Variants in SYN2 observed in about 807,000 individuals in gnomAD.
The protein encoded by SYN2 is synapsin II.
Under a neutral mutation model 50.9 loss-of-function variants are expected in SYN2, and 19 were observed. The ratio of observed to expected loss-of-function variants is 0.37; its 90% CI spans 0.26 to 0.55. The LOEUF (loss-of-function observed/expected upper bound fraction) is 0.55. SYN2 is among the 20% of genes least tolerant of loss of function. SYN2 has a pLI of 0.81. For missense variants in SYN2, 587 were observed against 576.4 expected (o/e 1.02, Z -0.19); for synonymous variants, 255 against 224.9 (o/e 1.13, Z -1.20).
At chr3:12,147,386 G>C (rs1037893214) in intron 4 of SYN2, among the ~76,000 whole-genome samples, 2 of 152,144 alleles carry the variant, frequency 1.3e-5, no homozygotes, top group East Asian at 1.9e-4. Context: ...GGTTAAGGAG[G>C]GGGTTGGGTT....
chr3:12,039,208 A>G (rs1183618197), intron 1 of SYN2, among the ~76,000 whole-genome samples: 1 of 152,162 alleles, frequency 6.6e-6, no homozygotes, highest in Non-Finnish European at 1.5e-5. Context: ...ACATTGACTA[A>G]TGTTCATATG....
intron 1 of SYN2, among the ~76,000 whole-genome samples, chr3:12,098,582 C>A (rs996027191): frequency 1.1e-4 from 16 of 151,448 alleles, no homozygotes; most frequent in Non-Finnish European, 1.5e-4. Context: ...AAATAAATGA[C>A]AAAGGTATTT....
intron 1 of SYN2, among the ~76,000 whole-genome samples, chr3:12,044,882 T>C (rs1348862025): frequency 6.6e-6 from 1 of 152,258 alleles, no homozygotes; most frequent in East Asian, 1.9e-4. Context: ...CATACTGTGC[T>C]AATCTCTTTA....
intron 1 of SYN2, among the ~76,000 whole-genome samples, chr3:12,121,106 A>T (rs895461882): frequency 6.6e-6 from 1 of 152,052 alleles, no homozygotes; most frequent in African/African-American, 2.4e-5. Flanking sequence ...CCTAACCTTT[A>T]CTTCACTTTT....
Position 12,168,476 on chromosome 3 carries a change from G to A in SYN2, c.1156G>A (p.Glu386Lys). ...HGKDGKDYIF[E>K]VMDCSMPLIG... ...CAAAGATGGGAAAGACTACATTTTT[G>A]AGGTAAGTCTGGACCAAGCAGTAAG... Residue 386 changes from glutamate (E) to lysine (K), a missense_variant and splice_region_variant, in exon 9 of 13, where the codon GAG becomes AAG. Physicochemically the swap from Glu to Lys is moderately conservative, Grantham distance 56. Transcript: ENST00000621198. The A allele has an allele frequency of 6.2e-7, 1 of 1,613,466 alleles. No homozygotes were observed. Among genetic ancestry groups the A allele is most frequent in the Non-Finnish European group, 8.5e-7 (1 of 1,179,642 alleles).
At chr3:12,053,484 C>T (rs1023673524) in intron 1 of SYN2, among the ~76,000 whole-genome samples, 2 of 151,752 alleles carry the variant, frequency 1.3e-5, no homozygotes, top group Non-Finnish European at 2.9e-5. Context: ...CTGATTGATC[C>T]TTCTTTCTCA....
chr3:12,157,238 C>T (rs2125231052), intron 5 of SYN2: 2 of 750,358 alleles, frequency 2.7e-6, no homozygotes, highest in Admixed American at 4.8e-5. Flanking sequence ...TGGGCTCTGC[C>T]TCCAAATCTC....
chr3:12,184,895 T>C, intron 11 of SYN2: 1 of 985,658 alleles, frequency 1.0e-6, no homozygotes, highest in Non-Finnish European at 1.2e-6. Context: ...GAAGAAATGC[T>C]GCTGGCTCTA....
chr3:12,060,734 T>G (rs1393406144), intron 1 of SYN2, among the ~76,000 whole-genome samples: 1 of 152,102 alleles, frequency 6.6e-6, no homozygotes, highest in Non-Finnish European at 1.5e-5. Context: ...GCAGCATGTA[T>G]TAAACACAGC....
chr3:12,129,869 T>A (rs1696755567), intron 1 of SYN2, among the ~76,000 whole-genome samples: 1 of 152,044 alleles, frequency 6.6e-6, no homozygotes, highest in African/African-American at 2.4e-5. Flanking sequence ...GTGGGGCCTT[T>A]GGGAGGTGAT....
chr3:12,070,267 G>A (rs1419014920), intron 1 of SYN2: 24 of 476,682 alleles, frequency 5.0e-5, no homozygotes, highest in Middle Eastern at 9.3e-4. Context: ...CAGTGTCTCC[G>A]GCATGTACAA....
chr3:12,117,052 G>A (rs1028301125), intron 1 of SYN2, among the ~76,000 whole-genome samples: 4 of 152,098 alleles, frequency 2.6e-5, no homozygotes, highest in East Asian at 1.9e-4. Context: ...CACCCAGCCC[G>A]TCTAAGGCAT....
chr3:12,022,027 A>G (rs1293623506), intron 1 of SYN2, among the ~76,000 whole-genome samples: 1 of 151,486 alleles, frequency 6.6e-6, no homozygotes, highest in African/African-American at 2.4e-5. Context: ...CTGAGATCAC[A>G]CTGCCTCACT....
chr3:12,057,522 A>T (rs115937369), intron 1 of SYN2, among the ~76,000 whole-genome samples: 3,212 of 152,286 alleles, frequency 0.021, 48 homozygotes, highest in Non-Finnish European at 0.034. Context: ...TTTAGCCATG[A>T]ACATTGTATA....
At chr3:12,034,575 G>A (rs534672710) in intron 1 of SYN2, among the ~76,000 whole-genome samples, 1 of 152,264 alleles carries the variant, frequency 6.6e-6, no homozygotes, top group African/African-American at 2.4e-5. Flanking sequence ...TATCTGATGA[G>A]GGCCTTTTGG....
chr3:12,161,508 A>G, intron 5 of SYN2, 38 bp from the exon 6 acceptor site: 1 of 1,611,898 alleles, frequency 6.2e-7, no homozygotes. Context: ...AGAGATGGGC[A>G]CACTCTGACA....
At chr3:12,181,163 GT>G in intron 10 of SYN2, among the ~76,000 whole-genome samples, 1 of 152,198 alleles carries the variant, frequency 6.6e-6, no homozygotes, top group Non-Finnish European at 1.5e-5. Flanking sequence ...ACTGGCCCTG[GT>G]TCTGCTCTTA....
intron 1 of SYN2, among the ~76,000 whole-genome samples, chr3:12,119,793 G>A (rs566798748): frequency 2.0e-5 from 3 of 152,124 alleles, no homozygotes; most frequent in African/African-American, 7.2e-5. Flanking sequence ...TCCCAGGTTC[G>A]TTTCCTCCTC....
intron 2 of SYN2, 74 bp downstream of exon 2, chr3:12,140,782 C>A: frequency 1.4e-6 from 1 of 719,104 alleles, no homozygotes; most frequent in Non-Finnish European, 2.6e-6. Flanking sequence ...TGAACCATCT[C>A]GTTCTGCTGA....
Sources: allele counts gnomAD v4.1 joint callset (sites outside exome capture counted in the v4.1 genomes callset), GRCh38; gene constraint gnomAD v4.1.1; transcripts MANE v1.5; gene names NCBI Gene and HGNC (gene_info 2026-07-23, HGNC 2026-07-21).